The following NEBL variants were observed in gnomAD, a reference collection of about 807,000 sequenced individuals.
The protein encoded by NEBL is nebulette, also known as LIM and SH3 protein 2.
Under a neutral mutation model 140.2 loss-of-function variants are expected in NEBL, and 122 were observed. The observed-to-expected ratio is 0.87, with a 90% CI of 0.75 to 1.01. The LOEUF is 1.01. Ranked by LOEUF, NEBL falls within the 50% of genes least tolerant of loss-of-function variation. The probability of loss-of-function intolerance (pLI) is 0.00; values close to 1 mark genes in which losing one functional copy is unlikely to be tolerated. For synonymous variants in NEBL, 436 were observed against 398.9 expected, an observed-to-expected ratio of 1.09 and a Z score of -1.11; for missense variants, 1,365 against 1,231.3, an observed-to-expected ratio of 1.11 and a Z score of -1.62.
At chr10:21,288,264 T>C (rs896692237) in intron 1 of NEBL, among the ~76,000 whole-genome samples, 8 of 151,914 alleles carry the variant, frequency 5.3e-5, no homozygotes, top group Admixed American at 1.3e-4. Context: ...GGTCAGGAGT[T>C]CGAGACCAGC....
At chr10:20,885,657 G>A (rs1846450192) in intron 4 of NEBL, among the ~76,000 whole-genome samples, 1 of 152,168 alleles carries the variant, frequency 6.6e-6, no homozygotes. Flanking sequence ...AAAGAAATGA[G>A]GATGGAAACA....
At chr10:20,958,350 G>A (rs189972090) in intron 4 of NEBL, among the ~76,000 whole-genome samples, 2 of 152,184 alleles carry the variant, frequency 1.3e-5, no homozygotes, top group Non-Finnish European at 2.9e-5. Context: ...GCAATTAAGC[G>A]ACACAGTTGT....
chr10:20,868,223 C>T (rs1158509950), intron 7 of NEBL: 3 of 155,128 alleles, frequency 1.9e-5, no homozygotes, highest in African/African-American at 7.3e-5. Context: ...AAGTTTTCTT[C>T]ATTTTCATCT....
At chr10:21,050,023 C>G (rs1307735224) in intron 2 of NEBL, among the ~76,000 whole-genome samples, 2 of 152,122 alleles carry the variant, frequency 1.3e-5, no homozygotes, top group African/African-American at 4.8e-5. Context: ...TTTGAATGAC[C>G]TTGAGAGACC....
intron 8 of NEBL, among the ~76,000 whole-genome samples, chr10:20,858,870 C>T (rs1336271927): frequency 6.6e-6 from 1 of 152,134 alleles, no homozygotes; most frequent in Non-Finnish European, 1.5e-5. Flanking sequence ...ACAATAACCT[C>T]TTTATTAAGT....
intron 2 of NEBL, among the ~76,000 whole-genome samples, chr10:21,054,032 CAAAACAA>C (rs10595673): frequency 0.91 from 137,522 of 151,044 alleles, 62,835 homozygotes; most frequent in African/African-American, 0.96. Flanking sequence ...GACTCCATCT[CAAAACAA>C]AAAACAAAAA....
chr10:21,143,847 T>A, intron 2 of NEBL, among the ~76,000 whole-genome samples: 1 of 146,120 alleles, frequency 6.8e-6, no homozygotes, highest in African/African-American at 2.5e-5. Flanking sequence ...ACAAGCCAGA[T>A]CAGGATAAGA....
chr10:21,082,535 T>TAAAAAAAAAAAAAAAAAAAAAAA (rs61234594), intron 2 of NEBL, among the ~76,000 whole-genome samples: 4 of 117,292 alleles, frequency 3.4e-5, no homozygotes, highest in South Asian at 2.8e-4. Flanking sequence ...CCACCACCAC[T>TAAAAAAAAAAAAAAAAAAAAAAA]AAAAAAAAAA....
intron 1 of NEBL, among the ~76,000 whole-genome samples, chr10:21,288,919 G>A (rs1226746559): frequency 5.1e-5 from 7 of 138,068 alleles, no homozygotes; most frequent in Non-Finnish European, 1.1e-4. Flanking sequence ...CAGGATCTCA[G>A]CTCACTACAA....
chr10:21,099,258 A>G (rs1471139257), intron 2 of NEBL, among the ~76,000 whole-genome samples: 1 of 152,212 alleles, frequency 6.6e-6, no homozygotes, highest in African/African-American at 2.4e-5. Context: ...TATGAATTCA[A>G]TGATTCCCAT....
intron 4 of NEBL, among the ~76,000 whole-genome samples, chr10:20,946,359 G>C (rs1460007994): frequency 6.6e-6 from 1 of 152,176 alleles, no homozygotes; most frequent in African/African-American, 2.4e-5. Context: ...GCAGGATGAA[G>C]CTGAGTCAAG....
chr10:20,796,390 A>G (rs1328287360), intron 26 of NEBL, among the ~76,000 whole-genome samples: 2 of 150,240 alleles, frequency 1.3e-5, no homozygotes, highest in East Asian at 2.0e-4. Flanking sequence ...AAAAAAAAAA[A>G]AAAACTTCTC....
rs749957184 is a variant in NEBL at position 20,831,325 on chromosome 10, A to G, written c.1561-19T>C. On this transcript the variant is annotated intron_variant, in intron 15 of 27. Transcript: ENST00000377122. The stretch of plus-strand genomic sequence containing the variant: ...ATTGTTTCTAAAAGAACAGAAAATA[A>G]TCTTAGAGCTTTGCTTAAGCTTTAA... 11 of 1,583,486 alleles carry G rather than the reference A, an allele frequency of 6.9e-6. No homozygotes were observed. The highest frequency in any genetic ancestry group is 7.8e-6 in the Non-Finnish European group (9 of 1,153,824).
At chr10:21,159,810 T>C (rs550770644) in intron 2 of NEBL, among the ~76,000 whole-genome samples, 1 of 152,300 alleles carries the variant, frequency 6.6e-6, no homozygotes, top group East Asian at 1.9e-4. Flanking sequence ...ACTGTCACAA[T>C]TTAATCATCA....
At chr10:20,939,014 G>A (rs1834678645) in intron 4 of NEBL, among the ~76,000 whole-genome samples, 1 of 152,176 alleles carries the variant, frequency 6.6e-6, no homozygotes, top group South Asian at 2.1e-4. Flanking sequence ...AAAACACTCT[G>A]CAGGATATTA....
At chr10:21,029,668 T>C (rs1204470058) in intron 2 of NEBL, 1 of 1,195,508 alleles carries the variant, frequency 8.4e-7, no homozygotes, top group East Asian at 2.3e-5. Flanking sequence ...TGGAGACAAG[T>C]ATCGAGATCG....
At chr10:21,219,299 G>C (rs951978613) in intron 3 of NEBL, among the ~76,000 whole-genome samples, 1 of 152,174 alleles carries the variant, frequency 6.6e-6, no homozygotes, top group Admixed American at 6.5e-5. Context: ...TTACAAAGTA[G>C]TCAGGACTGA....
chr10:21,076,112 C>CA (rs34700082), intron 2 of NEBL, among the ~76,000 whole-genome samples: 16,122 of 151,420 alleles, frequency 0.11, 919 homozygotes, highest in South Asian at 0.16. Context: ...ACAGCTATTA[C>CA]AAAAAAAACT....
At chr10:20,888,034 G>C in intron 4 of NEBL, 63 bp downstream of exon 4, 1 of 1,158,552 alleles carries the variant, frequency 8.6e-7, no homozygotes, top group Non-Finnish European at 1.3e-6. Flanking sequence ...AAAACGCTAA[G>C]TAGCTTTTTT....
Sources: allele counts gnomAD v4.1 joint callset (sites outside exome capture counted in the v4.1 genomes callset), GRCh38; gene constraint gnomAD v4.1.1; transcripts MANE v1.5; gene names NCBI Gene and HGNC (gene_info 2026-07-23, HGNC 2026-07-21).